STXBP5L: variants seen among roughly 807,000 people sequenced by gnomAD.
STXBP5L encodes the protein syntaxin-binding protein 5-like.
A neutral mutation model predicts 144.5 loss-of-function variants in STXBP5L; 65 were observed. That is an observed-to-expected ratio of 0.45 (90% CI 0.37 to 0.55). The LOEUF (loss-of-function observed/expected upper bound fraction) is 0.55. STXBP5L is among the 20% of genes least tolerant of loss of function. STXBP5L has a pLI of 0.00. For synonymous variants in STXBP5L, 505 were observed against 469.6 expected (o/e 1.08, Z -0.97); for missense variants, 1,298 against 1,405.5 (o/e 0.92, Z 1.22).
At chr3:120,935,849 A>AT (rs1309375995) in intron 2 of STXBP5L, among the ~76,000 whole-genome samples, 1 of 151,700 alleles carries the variant, frequency 6.6e-6, no homozygotes, top group Non-Finnish European at 1.5e-5. Flanking sequence ...CTATGCATAT[A>AT]TTTTTTGGTG....
Position 121,183,277 on chromosome 3 carries a change from C to T in STXBP5L, c.878-22646C>T, listed in dbSNP as rs374874912. On this transcript the variant is annotated intron_variant, in intron 9 of 26. Coordinates refer to ENST00000471454, the MANE Select transcript of STXBP5L (RefSeq NM_001308330.2). ...TCACCACTTCTAGTCAGCATAATAC[C>T]GGAAGTCATAGACAAAGCAATCAGA... is the stretch of plus-strand genomic sequence containing the variant. 5.9e-5 allele frequency among the ~76,000 whole-genome samples: 9 copies of T among 152,144 alleles called. 1 individual carries two copies. The highest frequency in any genetic ancestry group is 1.9e-4 in the East Asian group (1 of 5,176).
intron 5 of STXBP5L, among the ~76,000 whole-genome samples, chr3:121,073,630 T>C (rs552662768): frequency 1.7e-4 from 26 of 152,332 alleles, no homozygotes; most frequent in African/African-American, 4.8e-4. Flanking sequence ...GCAGTCCTAA[T>C]GCTGGGGCCT....
At chr3:121,039,091 T>A (rs901344425) in intron 3 of STXBP5L, among the ~76,000 whole-genome samples, 2 of 152,012 alleles carry the variant, frequency 1.3e-5, no homozygotes, top group Non-Finnish European at 1.5e-5. Context: ...TTACACTGTT[T>A]GCATTTAGTG....
intron 1 of STXBP5L, among the ~76,000 whole-genome samples, chr3:120,908,933 C>T (rs1216440495): frequency 2.0e-5 from 3 of 151,962 alleles, no homozygotes; most frequent in Admixed American, 6.6e-5. Flanking sequence ...TCCCCCCCTC[C>T]CCGGCAGCTG....
chr3:121,234,036 T>G (rs1210521791), intron 12 of STXBP5L, among the ~76,000 whole-genome samples: 1 of 152,130 alleles, frequency 6.6e-6, no homozygotes, highest in Non-Finnish European at 1.5e-5. Context: ...ATAGAAGTAT[T>G]ATTGCACTAC....
At chr3:121,238,613 A>G (rs185378320) in intron 12 of STXBP5L, among the ~76,000 whole-genome samples, 138 of 152,268 alleles carry the variant, frequency 9.1e-4, no homozygotes, top group African/African-American at 3.2e-3. Flanking sequence ...ACCAATGTAT[A>G]TAGGTAAAGT....
At chr3:120,983,156 AG>A (rs953981871) in intron 3 of STXBP5L, among the ~76,000 whole-genome samples, 15 of 152,188 alleles carry the variant, frequency 9.9e-5, no homozygotes, top group African/African-American at 2.9e-4. Flanking sequence ...TTCTGGCCTG[AG>A]GGTGGCAGAG....
intron 2 of STXBP5L, among the ~76,000 whole-genome samples, chr3:120,934,615 A>T (rs1479469418): frequency 2.0e-5 from 3 of 151,936 alleles, no homozygotes; most frequent in Non-Finnish European, 2.9e-5. Context: ...ATTATAGTGG[A>T]TTTATCTATT....
chr3:121,233,789 G>A, intron 12 of STXBP5L, 101 bp downstream of exon 12: 1 of 905,574 alleles, frequency 1.1e-6, no homozygotes, highest in Non-Finnish European at 1.6e-6. Flanking sequence ...TGTGAATATT[G>A]GTTTGCTAGA....
At chr3:121,120,255 ATAATT>A (rs2044398812) in intron 6 of STXBP5L, among the ~76,000 whole-genome samples, 1 of 151,248 alleles carries the variant, frequency 6.6e-6, no homozygotes, top group Non-Finnish European at 1.5e-5. Flanking sequence ...TTCCTGGAGG[ATAATT>A]TAAAGACATT....
chr3:121,059,694 C>A (rs958948261), intron 5 of STXBP5L, among the ~76,000 whole-genome samples: 23 of 152,078 alleles, frequency 1.5e-4, no homozygotes, highest in Non-Finnish European at 3.2e-4. Flanking sequence ...CCTTCACATC[C>A]CTTGTAAGCT....
intron 3 of STXBP5L, among the ~76,000 whole-genome samples, chr3:120,962,065 A>G (rs1409444061): frequency 6.6e-6 from 1 of 152,174 alleles, no homozygotes; most frequent in African/African-American, 2.4e-5. Context: ...GGCTGCGTAA[A>G]TGTCTTCTTT....
intron 3 of STXBP5L, among the ~76,000 whole-genome samples, chr3:120,970,958 T>C (rs1428087805): frequency 6.6e-6 from 1 of 152,184 alleles, no homozygotes; most frequent in African/African-American, 2.4e-5. Flanking sequence ...TGCCCTGTTG[T>C]TTCCTGAACT....
At chr3:121,332,242 C>G (rs2044343564) in intron 20 of STXBP5L, among the ~76,000 whole-genome samples, 1 of 151,468 alleles carries the variant, frequency 6.6e-6, no homozygotes, top group Non-Finnish European at 1.5e-5. Flanking sequence ...CACAATGGAT[C>G]CAAACCAAGA....
At chr3:121,055,355 T>A (rs1199834574) in intron 5 of STXBP5L, among the ~76,000 whole-genome samples, 2 of 152,148 alleles carry the variant, frequency 1.3e-5, no homozygotes, top group Non-Finnish European at 2.9e-5. Flanking sequence ...TAAGTACTCT[T>A]ATGTTTATGC....
intron 20 of STXBP5L, among the ~76,000 whole-genome samples, chr3:121,373,879 A>G (rs867751003): frequency 2.0e-5 from 3 of 152,134 alleles, no homozygotes; most frequent in Non-Finnish European, 4.4e-5. Context: ...CCCACCTGCT[A>G]TTGACACTGC....
chr3:120,941,724 C>T (rs1710575517), intron 2 of STXBP5L, among the ~76,000 whole-genome samples: 1 of 151,650 alleles, frequency 6.6e-6, no homozygotes, highest in African/African-American at 2.4e-5. Context: ...GAAAACACTA[C>T]CTATTAATAT....
At chr3:120,995,595 C>T (rs1437595561) in intron 3 of STXBP5L, among the ~76,000 whole-genome samples, 1 of 151,770 alleles carries the variant, frequency 6.6e-6, no homozygotes, top group African/African-American at 2.4e-5. Flanking sequence ...CTCGGTAGTA[C>T]AATAAACATG....
chr3:121,354,125 T>G (rs954366803), intron 20 of STXBP5L, among the ~76,000 whole-genome samples: 1 of 152,194 alleles, frequency 6.6e-6, no homozygotes, highest in African/African-American at 2.4e-5. Context: ...TTAGAATAAG[T>G]GCAATGTGGT....
Sources: allele counts gnomAD v4.1 joint callset (sites outside exome capture counted in the v4.1 genomes callset), GRCh38; gene constraint gnomAD v4.1.1; transcripts MANE v1.5; gene names NCBI Gene and HGNC (gene_info 2026-07-23, HGNC 2026-07-21).